The following SPATA4 variants were observed in gnomAD, a reference collection of about 807,000 sequenced individuals.
The protein encoded by SPATA4 is spermatogenesis-associated protein 4.
A neutral mutation model predicts 31.8 loss-of-function variants in SPATA4; 35 were observed. The ratio of observed to expected loss-of-function variants is 1.10; its 90% CI spans 0.84 to 1.46. The LOEUF is 1.46. Among genes scored for constraint, SPATA4 ranks in the 40% most tolerant of loss-of-function variants. The pLI is 0.00. For synonymous variants in SPATA4, 126 were observed against 132.4 expected (o/e 0.95, Z 0.33); for missense variants, 394 against 363.1 (o/e 1.09, Z -0.69).
At position 176,184,788 on chromosome 4, in the gene SPATA4, T is replaced by A. The variant is rs1752413298; in HGVS notation, c.910A>T (p.Lys304Ter). 4.4e-6 allele frequency: 7 copies of A among 1,588,726 alleles called. No individual in the cohort carries two copies. The highest frequency in any genetic ancestry group is 6.0e-6 in the Non-Finnish European group (7 of 1,167,836). The change falls in exon 6 of 6, where the codon AAA becomes TAA. Residue 304 changes from lysine (K) to a stop codon, truncating the protein, a stop_gained. Transcript: ENST00000280191. LOFTEE classifies it high-confidence loss of function. Reference protein sequence around the residue: ...AMKPIRNMDKKP With the variant: ...AMKPIRNMDK ...CATTTGACAGGTGCTTTTCAAGGTT[T>A]CTTGTCCATGTTTCTGATAGGTTTC...
intron 4 of SPATA4, among the ~76,000 whole-genome samples, chr4:176,191,182 GC>G (rs1349361814): frequency 1.3e-5 from 2 of 150,162 alleles, no homozygotes; most frequent in Non-Finnish European, 3.0e-5. Flanking sequence ...TGCAACCTAA[GC>G]CTCCTGGGTT....
chr4:176,188,225 A>T lies in SPATA4; in HGVS notation c.699T>A (p.Asp233Glu). 1 of 1,604,192 alleles carries T rather than the reference A, an allele frequency of 6.2e-7. No homozygotes were observed. The highest frequency in any genetic ancestry group is 8.5e-7 in the Non-Finnish European group (1 of 1,175,496). The change falls in exon 5 of 6, where the codon GAT (aspartate) becomes GAA (glutamate). Residue 233 changes from aspartate (D) to glutamate (E), a missense_variant. Asp to Glu is a conservative substitution (Grantham distance 45). Coordinates refer to ENST00000280191, the MANE Select transcript of SPATA4 (RefSeq NM_144644.4). ...TAACTTCTCCCACTGTTGGTTTCAC[A>T]TCAAACCATTCTATAAAATATGAAC... ...LGRKLNPEWF[D>E]VKPTVGEVTL... is the part of the protein sequence containing the mutation.
intron 5 of SPATA4, among the ~76,000 whole-genome samples, chr4:176,186,674 T>TA (rs1752445584): frequency 7.2e-5 from 11 of 152,208 alleles, no homozygotes; most frequent in Admixed American, 7.2e-4. Flanking sequence ...AAAAGTGTGC[T>TA]ATGAGGAACA....
intron 5 of SPATA4, among the ~76,000 whole-genome samples, chr4:176,185,862 A>G (rs1211819136): frequency 6.6e-6 from 1 of 152,164 alleles, no homozygotes; most frequent in Non-Finnish European, 1.5e-5. Context: ...ATCCTGATCT[A>G]CCTTGTCCAA....
At chr4:176,186,338 G>A (rs139228782) in intron 5 of SPATA4, among the ~76,000 whole-genome samples, 533 of 152,194 alleles carry the variant, frequency 3.5e-3, no homozygotes, top group Middle Eastern at 0.014. Context: ...TAAGGGGAAC[G>A]AGGCAAGCAA....
At chr4:176,189,936 T>C (rs546005550) in intron 4 of SPATA4, among the ~76,000 whole-genome samples, 1 of 152,268 alleles carries the variant, frequency 6.6e-6, no homozygotes, top group South Asian at 2.1e-4. Flanking sequence ...GCAATTCCTG[T>C]CCCTTTTAAG....
At chr4:176,193,319 G>T in intron 2 of SPATA4, 134 bp downstream of exon 2, 1 of 1,114,228 alleles carries the variant, frequency 9.0e-7, no homozygotes, top group Non-Finnish European at 1.3e-6. Flanking sequence ...AATAAACTTT[G>T]TAATACACAG....
At position 176,193,498 on chromosome 4, in the gene SPATA4, C is replaced by T; in HGVS notation, c.303G>A (p.Gly101=). 6.2e-7 allele frequency: 1 copy of T among 1,613,760 alleles called. No individual in the cohort carries two copies. The highest frequency in any genetic ancestry group is 8.5e-7 in the Non-Finnish European group (1 of 1,179,902). Residue 101 remains glycine (G), a synonymous_variant, in exon 2 of 6, where the codon GGG becomes GGA. Transcript: ENST00000280191. ...TATCCAACTTGACTTTTAAAGAGGT[C>T]CCGTTTTCAAAGGATGATAATTCAA... ...WELELSSFEN[G]TSLKVKLDNW...
intron 1 of SPATA4, 150 bp from the exon 2 acceptor site, chr4:176,193,732 G>T: frequency 6.4e-6 from 5 of 785,034 alleles, no homozygotes; most frequent in South Asian, 2.7e-5. Context: ...AACCTACTGT[G>T]GAATTTTGCT....
chr4:176,192,743 T>A lies in SPATA4; in HGVS notation c.572A>T (p.Asn191Ile). ...GCTTAGTAATTCTGATAACCTAATG[T>A]TATCTTTAATAGACTTCGAAACTGT... Reference protein sequence around the residue: ...RSTVSKSIKDNIRLSELLSNP... With the variant: ...RSTVSKSIKDIIRLSELLSNP... Residue 191 changes from asparagine (N) to isoleucine (I), a missense_variant, in exon 4 of 6, where the codon AAC becomes ATC. Physicochemically the swap from Asn to Ile is moderately radical, Grantham distance 149. Transcript: ENST00000280191. 1.9e-6 allele frequency: 3 copies of A among 1,614,152 alleles called. No homozygotes were observed. Among genetic ancestry groups the A allele is most frequent in the Non-Finnish European group, 2.5e-6 (3 of 1,179,994 alleles).
chr4:176,190,115 G>A (rs774019844), intron 4 of SPATA4, among the ~76,000 whole-genome samples: 9 of 152,090 alleles, frequency 5.9e-5, no homozygotes, highest in Non-Finnish European at 1.2e-4. Context: ...TAACACAACC[G>A]ATTAGGTCAG....
Position 176,193,500 on chromosome 4 carries a change from C to G in SPATA4, c.301G>C (p.Gly101Arg). ...TCCAACTTGACTTTTAAAGAGGTCC[C>G]GTTTTCAAAGGATGATAATTCAAGT... ...WELELSSFEN[G>R]TSLKVKLDNW... The change falls in exon 2 of 6, where the codon GGG (glycine) becomes CGG (arginine). Residue 101 changes from glycine (G) to arginine (R), a missense_variant. Transcript: ENST00000280191. 2 of 1,613,676 alleles carry G rather than the reference C, an allele frequency of 1.2e-6. No individual in the cohort carries two copies. Among genetic ancestry groups the G allele is most frequent in the Non-Finnish European group, 1.7e-6 (2 of 1,179,884 alleles).
intron 1 of SPATA4, chr4:176,194,202 G>A (rs1752577305): frequency 1.3e-5 from 2 of 152,260 alleles, no homozygotes; most frequent in Non-Finnish European, 2.9e-5. Context: ...ATTCAGATAT[G>A]CCAGAGAGAA....
At chr4:176,192,200 C>T (rs1752542087) in intron 4 of SPATA4, among the ~76,000 whole-genome samples, 1 of 152,218 alleles carries the variant, frequency 6.6e-6, no homozygotes, top group Non-Finnish European at 1.5e-5. Context: ...GCTCTACCAT[C>T]TACATCCAAA....
intron 4 of SPATA4, among the ~76,000 whole-genome samples, chr4:176,188,757 T>G (rs1179469966): frequency 6.6e-6 from 1 of 152,242 alleles, no homozygotes; most frequent in African/African-American, 2.4e-5. Flanking sequence ...ATTTCCATGT[T>G]TCCCATATTT....
chr4:176,191,446 T>C (rs1441147953), intron 4 of SPATA4, among the ~76,000 whole-genome samples: 1 of 152,172 alleles, frequency 6.6e-6, no homozygotes, highest in Non-Finnish European at 1.5e-5. Flanking sequence ...TGATAGTTAC[T>C]CTTGGAAGGG....
Position 176,192,720 on chromosome 4 carries a change from T to C in SPATA4, c.595A>G (p.Ser199Gly). The change falls in exon 4 of 6, where the codon AGC (serine) becomes GGC (glycine). Residue 199 changes from serine to glycine, a missense_variant. Physicochemically the swap from Ser to Gly is moderately conservative, Grantham distance 56 (BLOSUM62 0). Coordinates refer to ENST00000280191, the MANE Select transcript of SPATA4 (RefSeq NM_144644.4). ...KDNIRLSELL[S>G]NPNMLTNELK... ...TCATTGGTCAGCATGTTGGGATTGC[T>C]TAGTAATTCTGATAACCTAATGTTA... 1.2e-6 allele frequency: 2 copies of C among 1,613,978 alleles called. No homozygotes were observed. Among genetic ancestry groups the C allele is most frequent in the Non-Finnish European group, 1.7e-6 (2 of 1,179,900 alleles).
At position 176,193,461 on chromosome 4, in the gene SPATA4, A is replaced by G. The variant is rs145222019; in HGVS notation, c.340T>C (p.Leu114=). ...LKVKLDNWAQ[L]EKFLARKKFK... The stretch of plus-strand genomic sequence containing the variant: ...AATGACTGCTAACGTACCTTCTCCA[A>G]CTGTGCCCAGTTATCCAACTTGACT... The change falls in exon 2 of 6, where the codon TTG becomes CTG. Residue 114 remains leucine, a synonymous_variant. Coordinates refer to ENST00000280191, the MANE Select transcript of SPATA4 (RefSeq NM_144644.4). 1.2e-4 allele frequency: 190 copies of G among 1,612,752 alleles called. 1 individual carries two copies. The highest frequency in any genetic ancestry group is 1.2e-3 in the Middle Eastern group (7 of 6,046).
chr4:176,185,176 T>C lies in SPATA4; in HGVS notation c.806-284A>G, dbSNP rs1752421975. The stretch of plus-strand genomic sequence containing the variant: ...TGAATATGACCCAACTATTCTTAGA[T>C]ATTGCTTCAGAAAGCAGCTGAGGCA... On this transcript the variant is annotated intron_variant, in intron 5 of 5. Coordinates refer to ENST00000280191, the MANE Select transcript of SPATA4 (RefSeq NM_144644.4). 2.6e-5 allele frequency among the ~76,000 whole-genome samples: 4 copies of C among 152,300 alleles called. No homozygotes were observed. In the Middle Eastern group the frequency reaches 0.014, roughly 518 times the overall value.
Sources: gnomAD v4.1 joint callset for allele counts (sites outside exome capture counted in the v4.1 genomes callset) on GRCh38, gnomAD v4.1.1 for gene constraint, MANE v1.5 for transcripts, NCBI Gene and HGNC (gene_info 2026-07-23, HGNC 2026-07-21) for gene names.